Variants in COL28A1 observed in about 807,000 individuals in gnomAD.
COL28A1 encodes the protein collagen alpha-1(XXVIII) chain.
A neutral mutation model predicts 150.2 loss-of-function variants in COL28A1; 161 were observed. The observed-to-expected ratio is 1.07, with a 90% CI of 0.94 to 1.22. The LOEUF is 1.22. Ranked by LOEUF, COL28A1 falls within the 50% of genes most tolerant of loss-of-function variation. COL28A1 has a pLI of 0.00. For synonymous variants in COL28A1, 552 were observed against 469.7 expected (o/e 1.18, Z -2.26); for missense variants, 1,617 against 1,388.3 (o/e 1.16, Z -2.62).
intron 27 of COL28A1, among the ~76,000 whole-genome samples, chr7:7,388,475 G>A (rs1583270435): frequency 1.3e-5 from 2 of 152,140 alleles, no homozygotes; most frequent in African/African-American, 4.8e-5. Context: ...AAACATGTGG[G>A]TGCATGTGTC....
chr7:7,492,199 C>T (rs1365947173), intron 11 of COL28A1, among the ~76,000 whole-genome samples: 1 of 152,080 alleles, frequency 6.6e-6, no homozygotes, highest in Non-Finnish European at 1.5e-5. Context: ...TCTCAATTTA[C>T]CCCAGAAGCT....
chr7:7,381,135 T>A (rs1781848347), intron 28 of COL28A1, among the ~76,000 whole-genome samples: 1 of 152,212 alleles, frequency 6.6e-6, no homozygotes. Flanking sequence ...CATACAATTA[T>A]TACACAATTT....
intron 23 of COL28A1, among the ~76,000 whole-genome samples, chr7:7,434,647 CT>C (rs967220163): frequency 1.3e-5 from 2 of 152,178 alleles, no homozygotes; most frequent in African/African-American, 4.8e-5. Context: ...TACAAACATC[CT>C]TTTTATAGAG....
chr7:7,451,683 C>A (rs969817962), intron 18 of COL28A1, among the ~76,000 whole-genome samples: 1 of 152,064 alleles, frequency 6.6e-6, no homozygotes, highest in Non-Finnish European at 1.5e-5. Context: ...TACATACATA[C>A]ACAGAGGCAT....
upstream of COL28A1, among the ~76,000 whole-genome samples, chr7:7,538,042 T>C (rs1297091951): frequency 2.0e-5 from 3 of 152,228 alleles, no homozygotes; most frequent in Non-Finnish European, 4.4e-5. Context: ...TAGTCATCCA[T>C]TCCCTTTCAT....
At chr7:7,518,025 C>G (rs1194448438) in intron 6 of COL28A1, among the ~76,000 whole-genome samples, 188 bp from the exon 7 acceptor site, 6 of 151,930 alleles carry the variant, frequency 3.9e-5, no homozygotes, top group Non-Finnish European at 5.9e-5. Context: ...ATAAACTTTG[C>G]CCTTTGCAGT....
chr7:7,387,189 T>C (rs1482634164), intron 27 of COL28A1, among the ~76,000 whole-genome samples: 2 of 152,104 alleles, frequency 1.3e-5, no homozygotes, highest in Non-Finnish European at 2.9e-5. Flanking sequence ...GAATAAACCT[T>C]GCAAGAATGA....
chr7:7,448,525 C>T (rs1786443951), intron 18 of COL28A1, among the ~76,000 whole-genome samples: 1 of 151,492 alleles, frequency 6.6e-6, no homozygotes, highest in Non-Finnish European at 1.5e-5. Flanking sequence ...TGAATACCTA[C>T]CTTCTGACCT....
At chr7:7,539,571 T>C (rs748356889), upstream of COL28A1, among the ~76,000 whole-genome samples, 4 of 152,150 alleles carry the variant, frequency 2.6e-5, no homozygotes, top group Non-Finnish European at 5.9e-5. Context: ...CAAAACTGTA[T>C]TGGTCTTATT....
intron 13 of COL28A1, among the ~76,000 whole-genome samples, chr7:7,487,550 C>G (rs577257384): frequency 6.6e-6 from 1 of 152,230 alleles, no homozygotes; most frequent in African/African-American, 2.4e-5. Flanking sequence ...TGCCCTCCAG[C>G]CTGGGCGACA....
intron 10 of COL28A1, among the ~76,000 whole-genome samples, chr7:7,506,313 T>C (rs562449719): frequency 4.4e-4 from 67 of 152,372 alleles, no homozygotes; most frequent in African/African-American, 1.5e-3. Flanking sequence ...TTACTAAACC[T>C]GTGTTTCCAA....
At chr7:7,518,853 TTCTC>T (rs757276014) in intron 6 of COL28A1, among the ~76,000 whole-genome samples, 2 of 152,202 alleles carry the variant, frequency 1.3e-5, no homozygotes, top group Non-Finnish European at 2.9e-5. Flanking sequence ...GGATATCTCA[TTCTC>T]TCTATTTAAA....
At chr7:7,361,828 T>C (rs1383628994) in intron 33 of COL28A1, among the ~76,000 whole-genome samples, 1 of 129,530 alleles carries the variant, frequency 7.7e-6, no homozygotes, top group Non-Finnish European at 1.6e-5. Flanking sequence ...GTGGCACATA[T>C]ACACCATGGA....
At position 7,432,524 on chromosome 7, in the gene COL28A1, TG is replaced by T. The variant is rs1785042799; in HGVS notation, c.1946del (p.Pro649GlnfsTer35). ...YPGVPGPRGL[P>X]GPPGPMGLRG... Reference sequence around the variant, plus strand: ...GTAAACCCATCGGCCCAGGGGGTCCTGGTAATCCACGAGGTCCCTGAGATGA... The same window carrying T: ...GTAAACCCATCGGCCCAGGGGGTCCTGTAATCCACGAGGTCCCTGAGATGA... On this transcript the variant is annotated frameshift_variant, in exon 25 of 35. Coordinates refer to ENST00000399429, the MANE Select transcript of COL28A1 (RefSeq NM_001037763.3). LOFTEE classifies it high-confidence loss of function. 1.2e-6 allele frequency: 2 copies of T among 1,613,970 alleles called. No homozygotes were observed. Among genetic ancestry groups the T allele is most frequent in the African/African-American group, 2.7e-5 (2 of 74,906 alleles).
intron 20 of COL28A1, among the ~76,000 whole-genome samples, chr7:7,442,765 G>A (rs534832326): frequency 9.9e-5 from 15 of 152,220 alleles, no homozygotes; most frequent in East Asian, 9.7e-4. Flanking sequence ...GCCCAGGCGC[G>A]GTGGCTCACA....
chr7:7,532,249 G>C (rs1021631453), intron 2 of COL28A1, among the ~76,000 whole-genome samples: 4 of 152,128 alleles, frequency 2.6e-5, no homozygotes, highest in Non-Finnish European at 4.4e-5. Context: ...TTGTCTAGAA[G>C]TAAATGATAC....
intron 12 of COL28A1, 98 bp downstream of exon 12, chr7:7,490,480 C>G (rs1296322042): frequency 3.3e-6 from 2 of 597,070 alleles, no homozygotes; most frequent in African/African-American, 3.7e-5. Context: ...CTCCTTGTGT[C>G]TATTGGATTT....
chr7:7,364,871 C>A (rs560346812), intron 33 of COL28A1, among the ~76,000 whole-genome samples: 4 of 152,042 alleles, frequency 2.6e-5, no homozygotes, highest in Non-Finnish European at 5.9e-5. Context: ...CAAAAAGTAT[C>A]CATTAAATAA....
chr7:7,339,758 T>A, the COL28A1 span, among the ~76,000 whole-genome samples: 3 of 152,140 alleles, frequency 2.0e-5, no homozygotes, highest in African/African-American at 7.2e-5. Context: ...ATTTGACTAC[T>A]TCATAGGTGG....
Sources: allele counts gnomAD v4.1 joint callset (sites outside exome capture counted in the v4.1 genomes callset), GRCh38; gene constraint gnomAD v4.1.1; transcripts MANE v1.5; gene names NCBI Gene and HGNC (gene_info 2026-07-23, HGNC 2026-07-21).